ZNF670: variants seen among roughly 807,000 people sequenced by gnomAD.
The protein encoded by ZNF670 is zinc finger protein 670.
Under a neutral mutation model 10.9 loss-of-function variants are expected in ZNF670, and 7 were observed. The ratio of observed to expected loss-of-function variants is 0.64; its 90% CI spans 0.36 to 1.20. The LOEUF is 1.20. Ranked by LOEUF, ZNF670 falls within the 50% of genes most tolerant of loss-of-function variation. The pLI is 0.02. For missense variants in ZNF670, 446 were observed against 458.6 expected (o/e 0.97, Z 0.25); for synonymous variants, 136 against 152.7 (o/e 0.89, Z 0.81).
chr1:247,072,109 G>A (rs1466355290), intron 1 of ZNF670, among the ~76,000 whole-genome samples: 1 of 150,978 alleles, frequency 6.6e-6, no homozygotes, highest in East Asian at 2.0e-4. Flanking sequence ...TGCCCGCCTT[G>A]GCTTCCCAAA....
At chr1:247,042,743 A>G in intron 1 of ZNF670, 2 of 406,916 alleles carry the variant, frequency 4.9e-6, no homozygotes, top group East Asian at 5.6e-5. Flanking sequence ...TAGAGCAAGT[A>G]GGCATAAAAG....
chr1:247,065,447 T>C (rs974713505), intron 1 of ZNF670, among the ~76,000 whole-genome samples: 1 of 142,596 alleles, frequency 7.0e-6, no homozygotes, highest in Non-Finnish European at 1.5e-5. Context: ...TTTTCTTATG[T>C]GAAAAAATAA....
chr1:247,051,486 T>C (rs1301409036), intron 1 of ZNF670, among the ~76,000 whole-genome samples: 1 of 152,256 alleles, frequency 6.6e-6, no homozygotes, highest in Non-Finnish European at 1.5e-5. Context: ...AAAAATCTGC[T>C]GTAATCTGAT....
intron 1 of ZNF670, among the ~76,000 whole-genome samples, chr1:247,075,933 A>G (rs1172288681): frequency 4.6e-5 from 7 of 152,234 alleles, no homozygotes; most frequent in African/African-American, 1.7e-4. Context: ...ATTTTTAACA[A>G]ATGGAATATG....
intron 1 of ZNF670, among the ~76,000 whole-genome samples, chr1:247,075,062 G>A (rs1390186834): frequency 1.3e-5 from 2 of 152,180 alleles, no homozygotes; most frequent in Non-Finnish European, 2.9e-5. Context: ...TGAGCAGGCT[G>A]GGACATCTGT....
rs749894714 is a variant in ZNF670, at chr1:247,038,343, C to A, written c.276G>T (p.Leu92=). Residue 92 remains leucine, a synonymous_variant, in exon 4 of 4, where the codon CTG becomes CTT. Coordinates refer to ENST00000366503, the MANE Select transcript of ZNF670 (RefSeq NM_033213.5). ...TTACTCCAGTAGAAACTTTCTTATTCAGATTCAAATTTGAATCCTGGCTGA... is the reference window on the plus strand; with the variant it reads ...TTACTCCAGTAGAAACTTTCTTATTAAGATTCAAATTTGAATCCTGGCTGA... ...ETFSQDSNLN[L]NKKVSTGVKP... The A allele has an allele frequency of 1.2e-6, 2 of 1,614,164 alleles. No homozygotes were observed. Among genetic ancestry groups the A allele is most frequent in the Non-Finnish European group, 8.5e-7 (1 of 1,180,010 alleles).
At chr1:247,060,207 C>T (rs1210497636) in intron 1 of ZNF670, among the ~76,000 whole-genome samples, 1 of 152,086 alleles carries the variant, frequency 6.6e-6, no homozygotes, top group Non-Finnish European at 1.5e-5. Context: ...AGAATTGATA[C>T]CACCTGACAC....
chr1:247,037,753 G>A lies in ZNF670; in HGVS notation c.866C>T (p.Ala289Val), dbSNP rs988974136. The A allele has an allele frequency of 6.2e-7, 1 of 1,613,904 alleles. No homozygotes were observed. The highest frequency in any genetic ancestry group is 8.5e-7 in the Non-Finnish European group (1 of 1,179,920). Residue 289 changes from alanine to valine, a missense_variant, in exon 4 of 4, where the codon GCC becomes GTC. Transcript: ENST00000366503. ...KPYECIKCGKAFRCSRVLRVH... is the reference protein window; with the variant it reads ...KPYECIKCGKVFRCSRVLRVH... ...TCTGAGGACTCTGGAACATCTAAAG[G>A]CTTTGCCACATTTTATACATTCATA...
At chr1:247,072,839 T>TATATAC (rs1491560605) in intron 1 of ZNF670, among the ~76,000 whole-genome samples, 7 of 68,566 alleles carry the variant, frequency 1.0e-4, no homozygotes, top group African/African-American at 6.4e-4. Context: ...TATATATATA[T>TATATAC]GCATACACAC....
chr1:247,039,656 C>A, intron 1 of ZNF670, 119 bp from the exon 2 acceptor site: 2 of 1,148,988 alleles, frequency 1.7e-6, no homozygotes, highest in East Asian at 3.1e-5. Context: ...CTTCCATGAC[C>A]TGGTCATCAG....
At chr1:247,077,085 C>T (rs1217697575) in intron 1 of ZNF670, among the ~76,000 whole-genome samples, 4 of 152,222 alleles carry the variant, frequency 2.6e-5, no homozygotes, top group African/African-American at 7.2e-5. Context: ...AAATCCAGAG[C>T]GCAGGAATCA....
rs1305584418 is a variant in ZNF670 at position 247,035,301 on chromosome 1, T to C, written c.*2148A>G. Among the ~76,000 whole-genome samples the C allele has an allele frequency of 6.6e-6, 1 of 152,192 alleles. No homozygotes were observed. The highest frequency in any genetic ancestry group is 1.5e-5 in the Non-Finnish European group (1 of 68,032). The stretch of plus-strand genomic sequence containing the variant: ...GATAAGATTGAGAGAAGTTATTAGT[T>C]ACATACATTCATAGACAAAAAAGGG... On this transcript the variant is annotated 3_prime_UTR_variant, in exon 4 of 4. Transcript: ENST00000366503.
At position 247,069,712 on chromosome 1, in the gene ZNF670, G is replaced by A. The variant is rs148581495; in HGVS notation, c.3+8882C>T. ...TGCAATAACATGGGTGGAACTAGAA[G>A]TCATTAAGCTAAGTGAAATAAGCCA... is the stretch of plus-strand genomic sequence containing the variant. On this transcript the variant is annotated intron_variant, in intron 1 of 3. Transcript: ENST00000366503. 2.4e-3 allele frequency among the ~76,000 whole-genome samples: 361 copies of A among 152,236 alleles called. 2 individuals carry two copies. Among genetic ancestry groups the A allele is most frequent in the African/African-American group, 8.4e-3 (348 of 41,484 alleles).
intron 1 of ZNF670, 81 bp downstream of exon 1, chr1:247,078,513 G>C: frequency 6.3e-7 from 1 of 1,578,246 alleles, no homozygotes; most frequent in Non-Finnish European, 8.7e-7. Flanking sequence ...GGTCGGCACC[G>C]CGGGGAGGTC....
intron 1 of ZNF670, chr1:247,043,238 T>C: frequency 1.5e-6 from 1 of 687,050 alleles, no homozygotes. Flanking sequence ...AGGAGGACTT[T>C]GGATTTAAGC....
At chr1:247,065,210 A>G (rs1374722111) in intron 1 of ZNF670, among the ~76,000 whole-genome samples, 1 of 152,264 alleles carries the variant, frequency 6.6e-6, no homozygotes, top group African/African-American at 2.4e-5. Context: ...TATTGCATAA[A>G]GGAGTTACAA....
In ZNF670 at chr1:247,043,906, G is replaced by A. The variant is rs1166724798; in HGVS notation, c.4-4369C>T. ...TAAACTGAATCTGATATTAAACATA[G>A]AACCAGAGATATAAGACCAGTCTAG... is the stretch of plus-strand genomic sequence containing the variant. On this transcript the variant is annotated intron_variant, in intron 1 of 3. Coordinates refer to ENST00000366503, the MANE Select transcript of ZNF670 (RefSeq NM_033213.5). The A allele has an allele frequency of 9.9e-6, 3 of 304,502 alleles. No homozygotes were observed. The East Asian group carries it at 2.7e-4, about 27-fold the overall frequency. 18.9% of individuals were successfully genotyped at this position (304,502 alleles called of 1,614,324 possible).
chr1:247,056,322 G>C (rs1670713869), intron 1 of ZNF670, among the ~76,000 whole-genome samples: 2 of 152,116 alleles, frequency 1.3e-5, no homozygotes. Context: ...AATTGAAATA[G>C]TATCAAGCAT....
At chr1:247,069,757 C>T (rs142936937) in intron 1 of ZNF670, among the ~76,000 whole-genome samples, 1 of 152,238 alleles carries the variant, frequency 6.6e-6, no homozygotes, top group African/African-American at 2.4e-5. Flanking sequence ...AGACAAACAG[C>T]ACAAGTTCTT....
Sources: allele counts gnomAD v4.1 joint callset (sites outside exome capture counted in the v4.1 genomes callset), GRCh38; gene constraint gnomAD v4.1.1; transcripts MANE v1.5; gene names NCBI Gene and HGNC (gene_info 2026-07-23, HGNC 2026-07-21).